CNIH3: variants seen among roughly 807,000 people sequenced by gnomAD.
The protein encoded by CNIH3 is cornichon family AMPA receptor auxiliary protein 3.
In CNIH3, 14 loss-of-function variants were observed where a neutral mutation model predicts 24.1. The observed-to-expected ratio is 0.58, with a 90% confidence interval of 0.38 to 0.91. The LOEUF (loss-of-function observed/expected upper bound fraction) is 0.91, where lower values mean the gene tolerates loss of function less well. Among genes scored for constraint, CNIH3 ranks in the 40% least tolerant of loss-of-function variants. The pLI is 0.00. For missense variants in CNIH3, 178 were observed against 196.8 expected, an observed-to-expected ratio of 0.90 and a Z score of 0.57; for synonymous variants, 68 against 73.8, an observed-to-expected ratio of 0.92 and a Z score of 0.40.
chr1:224,542,859 T>C (rs180985787), intron 2 of CNIH3, among the ~76,000 whole-genome samples: 1 of 152,346 alleles, frequency 6.6e-6, no homozygotes, highest in East Asian at 1.9e-4. Flanking sequence ...TGTATAATAA[T>C]TTCTCTGGTC....
intron 1 of CNIH3, among the ~76,000 whole-genome samples, chr1:224,506,321 C>T (rs1470442901): frequency 6.6e-6 from 1 of 151,930 alleles, no homozygotes; most frequent in Non-Finnish European, 1.5e-5. Context: ...TCCTCTTTGT[C>T]CCAGAACCGT....
chr1:224,684,098 G>A lies in CNIH3; in HGVS notation c.151-698G>A, dbSNP rs367830842. Among the ~76,000 whole-genome samples the A allele has an allele frequency of 6.6e-6, 1 of 152,334 alleles. No homozygotes were observed. Among genetic ancestry groups the A allele is most frequent in the South Asian group, 2.1e-4 (1 of 4,826 alleles). ...GGGAGATGCCACAGCTGTGTTCAGT[G>A]TGGCTTTGGAAATCGTTAAAGTCAC... On this transcript the variant is annotated intron_variant, in intron 2 of 5. Coordinates refer to ENST00000272133, the MANE Select transcript of CNIH3 (RefSeq NM_152495.2). This position sits in a 1 kb window ranked among gnomAD's most constrained non-coding sequence, Gnocchi z 4.2.
intron 1 of CNIH3, 133 bp from the exon 2 acceptor site, chr1:224,680,825 T>A: frequency 1.5e-6 from 1 of 678,400 alleles, no homozygotes; most frequent in Middle Eastern, 2.5e-4. Flanking sequence ...AGTGACCAGC[T>A]GCTGGCCAAT....
intron 1 of CNIH3, among the ~76,000 whole-genome samples, chr1:224,500,179 A>AT (rs532888387): frequency 0.01 from 1,506 of 145,118 alleles, 21 homozygotes; most frequent in African/African-American, 0.031. Flanking sequence ...AATTAAAACA[A>AT]TTTTTTTTTT....
At chr1:224,550,615 T>G (rs1440121611) in intron 3 of CNIH3, among the ~76,000 whole-genome samples, 4 of 152,222 alleles carry the variant, frequency 2.6e-5, no homozygotes, top group Non-Finnish European at 4.4e-5. Context: ...ACACTGAACG[T>G]TATAGAACTA....
chr1:224,688,782 G>A (rs1341494550), intron 3 of CNIH3, among the ~76,000 whole-genome samples: 5 of 151,212 alleles, frequency 3.3e-5, no homozygotes, highest in Non-Finnish European at 7.4e-5. Flanking sequence ...CAAATTAGTC[G>A]GGCGTGGTGG....
chr1:224,483,814 C>T lies in CNIH3; in HGVS notation n.204-31927C>T, dbSNP rs555059831. On this transcript the variant is annotated intron_variant and non_coding_transcript_variant, in intron 1 of 5. Coordinates refer to the CNIH3 transcript ENST00000471578. ...TCTGCAACCTTGGTCTGCCTCCTCC[C>T]CTGCTTGCATTTTTTCTGATAAGAA... is the stretch of plus-strand genomic sequence containing the variant. Among the ~76,000 whole-genome samples, 3 of 152,214 alleles carry T rather than the reference C, an allele frequency of 2.0e-5. No homozygotes were observed. The East Asian group carries it at 5.8e-4, about 29-fold the overall frequency.
downstream of CNIH3, among the ~76,000 whole-genome samples, chr1:224,588,883 C>T (rs2125024904): frequency 6.6e-6 from 1 of 151,192 alleles, no homozygotes; most frequent in South Asian, 2.1e-4. Flanking sequence ...GGAGTAAAGG[C>T]TGGCCTTCAA....
chr1:224,483,302 A>G (rs1676886243), intron 1 of CNIH3, among the ~76,000 whole-genome samples: 1 of 152,080 alleles, frequency 6.6e-6, no homozygotes, highest in African/African-American at 2.4e-5. Context: ...GTGAGCTGAG[A>G]TTGCAGCACT....
At chr1:224,578,210 G>A (rs1403706929) in intron 4 of CNIH3, among the ~76,000 whole-genome samples, 1 of 152,104 alleles carries the variant, frequency 6.6e-6, no homozygotes, top group African/African-American at 2.4e-5. Context: ...ACAACAAAAA[G>A]CTATTCCAAC....
chr1:224,526,450 C>G (rs1558130974), intron 2 of CNIH3, among the ~76,000 whole-genome samples: 1 of 152,160 alleles, frequency 6.6e-6, no homozygotes, highest in Non-Finnish European at 1.5e-5. Context: ...CAGAGAGCTC[C>G]CACCAGACAC....
intron 1 of CNIH3, among the ~76,000 whole-genome samples, chr1:224,663,072 C>G (rs1046495490): frequency 1.3e-5 from 2 of 152,150 alleles, no homozygotes; most frequent in Non-Finnish European, 2.9e-5. Context: ...TTTGCACCAA[C>G]TTAATACTAA....
At chr1:224,670,719 A>G (rs987161859) in intron 1 of CNIH3, among the ~76,000 whole-genome samples, 1 of 152,184 alleles carries the variant, frequency 6.6e-6, no homozygotes, top group Non-Finnish European at 1.5e-5. Flanking sequence ...ATGGCTTCTC[A>G]CACATGAAAG....
At chr1:224,527,433 G>A (rs781231054) in intron 2 of CNIH3, among the ~76,000 whole-genome samples, 5 of 152,156 alleles carry the variant, frequency 3.3e-5, no homozygotes, top group Non-Finnish European at 5.9e-5. Flanking sequence ...CCAGTGAAAC[G>A]GCTGTTGAAT....
chr1:224,569,114 C>T (rs780737896), intron 4 of CNIH3, among the ~76,000 whole-genome samples: 1 of 151,972 alleles, frequency 6.6e-6, no homozygotes, highest in Admixed American at 6.5e-5. Flanking sequence ...GTGATCTGCC[C>T]GTCTCGGCCT....
At chr1:224,465,374 G>A (rs1676112860) in intron 1 of CNIH3, among the ~76,000 whole-genome samples, 1 of 152,212 alleles carries the variant, frequency 6.6e-6, no homozygotes, top group Admixed American at 6.5e-5. Context: ...CTCCCAAAGT[G>A]CTAGGATTAC....
rs1243141154 is a variant in CNIH3, at chr1:224,458,491, G to A, written n.203+23629G>A. 6.6e-5 allele frequency among the ~76,000 whole-genome samples: 10 copies of A among 152,196 alleles called. No individual in the cohort carries two copies. The highest frequency in any genetic ancestry group is 2.9e-5 in the Non-Finnish European group (2 of 68,028). On this transcript the variant is annotated intron_variant and non_coding_transcript_variant, in intron 1 of 5. Coordinates refer to the CNIH3 transcript ENST00000471578. This position sits in a 1 kb window ranked among gnomAD's most constrained non-coding sequence, Gnocchi z 4.3. ...CATCAGAGAGAAGGGCTGGGATTGTGGCCTGCGGTTGGTGGGCAGGAGAGC... is the reference window on the plus strand; with the variant it reads ...CATCAGAGAGAAGGGCTGGGATTGTAGCCTGCGGTTGGTGGGCAGGAGAGC...
At chr1:224,664,946 C>T (rs182844798) in intron 1 of CNIH3, 2 of 152,182 alleles carry the variant, frequency 1.3e-5, no homozygotes, top group African/African-American at 4.8e-5. Context: ...GAATTTGGCT[C>T]TTCGGGGGCC....
intron 1 of CNIH3, among the ~76,000 whole-genome samples, chr1:224,462,167 A>G (rs147293928): frequency 1.3e-4 from 20 of 152,208 alleles, no homozygotes; most frequent in East Asian, 3.9e-4. Flanking sequence ...TGACATCACT[A>G]TCACTCAGTC....
Sources: allele counts gnomAD v4.1 joint callset (sites outside exome capture counted in the v4.1 genomes callset), GRCh38; gene constraint gnomAD v4.1.1; non-coding constraint Gnocchi (gnomAD v3.1); transcripts MANE v1.5; gene names NCBI Gene and HGNC (gene_info 2026-07-23, HGNC 2026-07-21).